Variants in BCKDHB observed in about 807,000 individuals in gnomAD.
The protein encoded by BCKDHB is 2-oxoisovalerate dehydrogenase subunit beta, mitochondrial.
In BCKDHB, 41 loss-of-function variants were observed where a neutral mutation model predicts 48.5. The ratio of observed to expected loss-of-function variants is 0.85; its 90% CI spans 0.66 to 1.10. The LOEUF (loss-of-function observed/expected upper bound fraction) is 1.10, where lower values mean the gene tolerates loss of function less well. Among genes scored for constraint, BCKDHB ranks in the 50% least tolerant of loss-of-function variants. The probability of loss-of-function intolerance (pLI) is 0.00; values close to 1 mark genes in which losing one functional copy is unlikely to be tolerated. For missense variants in BCKDHB, 496 were observed against 494.2 expected (o/e 1.00, Z -0.03); for synonymous variants, 201 against 174.8 (o/e 1.15, Z -1.18).
At position 80,139,471 on chromosome 6, in the gene BCKDHB, G is replaced by A. The variant is rs9448900; in HGVS notation, c.343+10242G>A. On this transcript the variant is annotated intron_variant, in intron 3 of 9. Transcript: ENST00000320393. Reference sequence around the variant, plus strand: ...TTAAGTCTTTAATCCATCTTGAATTGATTTTTGTATAAGGTGTAAGGAAGG... The same window carrying A: ...TTAAGTCTTTAATCCATCTTGAATTAATTTTTGTATAAGGTGTAAGGAAGG... Among the ~76,000 whole-genome samples the A allele has an allele frequency of 1.0e-3, 155 of 151,418 alleles. 2 individuals carry two copies. The highest frequency in any genetic ancestry group is 3.4e-3 in the African/African-American group (141 of 41,300).
At chr6:80,153,363 G>C (rs1771884618) in intron 3 of BCKDHB, among the ~76,000 whole-genome samples, 2 of 152,128 alleles carry the variant, frequency 1.3e-5, no homozygotes, top group Admixed American at 6.6e-5. Context: ...CTTCATCCCA[G>C]ATAGAGAGAT....
intron 9 of BCKDHB, among the ~76,000 whole-genome samples, chr6:80,309,840 A>G (rs1433618153): frequency 2.0e-5 from 3 of 152,178 alleles, no homozygotes; most frequent in Non-Finnish European, 2.9e-5. Flanking sequence ...TAGCTTTTCC[A>G]TCTTCACCCT....
chr6:80,184,098 G>A (rs1207295455), intron 6 of BCKDHB, among the ~76,000 whole-genome samples: 1 of 152,062 alleles, frequency 6.6e-6, no homozygotes, highest in African/African-American at 2.4e-5. Context: ...TTATTCATCT[G>A]GTAGTAATTG....
chr6:80,259,177 A>G (rs1389739793), intron 8 of BCKDHB, among the ~76,000 whole-genome samples: 1 of 152,176 alleles, frequency 6.6e-6, no homozygotes, highest in African/African-American at 2.4e-5. Context: ...GTTGCAGCTT[A>G]TTGAGAATTT....
the BCKDHB span, among the ~76,000 whole-genome samples, chr6:80,447,192 G>C: frequency 1.3e-5 from 2 of 151,974 alleles, no homozygotes; most frequent in South Asian, 4.1e-4. Context: ...TGGCCCTTTT[G>C]TGCCACCATT....
rs530649125 is a variant in BCKDHB, at chr6:80,215,779, G to A, written c.951+12567G>A. 7.9e-5 allele frequency among the ~76,000 whole-genome samples: 12 copies of A among 152,092 alleles called. No homozygotes were observed. The South Asian group carries it at 8.3e-4, about 10-fold the overall frequency. On this transcript the variant is annotated intron_variant, in intron 8 of 9. Coordinates refer to ENST00000320393, the MANE Select transcript of BCKDHB (RefSeq NM_183050.4). ...TGTTTTTTTGAGACGGAGTCTCGCC[G>A]TGCCACCAGTCTGGAGTGCAGTGGC...
chr6:80,239,078 T>C (rs919537558), intron 8 of BCKDHB, among the ~76,000 whole-genome samples: 1 of 152,252 alleles, frequency 6.6e-6, no homozygotes, highest in East Asian at 1.9e-4. Flanking sequence ...CATGTGTCTT[T>C]ATAGTAGAAT....
the BCKDHB span, among the ~76,000 whole-genome samples, chr6:80,449,390 G>A: frequency 6.6e-6 from 1 of 152,182 alleles, no homozygotes; most frequent in African/African-American, 2.4e-5. Context: ...TGAGAAAGGA[G>A]TGTTGGCTCG....
intron 8 of BCKDHB, among the ~76,000 whole-genome samples, chr6:80,261,756 A>C (rs764325185): frequency 1.6e-4 from 25 of 152,130 alleles, no homozygotes; most frequent in Non-Finnish European, 2.8e-4. Flanking sequence ...GAGAGTACAC[A>C]GTGGTTGCTT....
chr6:80,279,381 C>G (rs1455303152), intron 9 of BCKDHB, among the ~76,000 whole-genome samples: 3 of 152,106 alleles, frequency 2.0e-5, no homozygotes, highest in African/African-American at 4.8e-5. Context: ...GTCTCGAACT[C>G]CTGACCTCAA....
intron 9 of BCKDHB, among the ~76,000 whole-genome samples, chr6:80,285,925 A>G (rs1310557280): frequency 6.6e-6 from 1 of 152,044 alleles, no homozygotes; most frequent in Non-Finnish European, 1.5e-5. Context: ...TTCTGTCAGT[A>G]TAAGGGATAA....
the BCKDHB span, among the ~76,000 whole-genome samples, chr6:80,460,870 T>C: frequency 1.3e-5 from 2 of 152,114 alleles, no homozygotes; most frequent in African/African-American, 4.8e-5. Context: ...TGTGAAAGTC[T>C]TCCTTCTCTG....
rs921855330 is a variant in BCKDHB at position 80,234,795 on chromosome 6, A to T, written c.951+31583A>T. On this transcript the variant is annotated intron_variant, in intron 8 of 9. Transcript: ENST00000320393. ...AGATATGGAATCAACCTAAGGGCTC[A>T]TCAGTGGATGAATGAATGAATGAAG... Among the ~76,000 whole-genome samples the T allele has an allele frequency of 1.3e-4, 19 of 151,972 alleles. No homozygotes were observed. In the East Asian group the frequency reaches 3.7e-3, roughly 29 times the overall value.
intron 6 of BCKDHB, among the ~76,000 whole-genome samples, chr6:80,181,250 AAT>A (rs748083896): frequency 1.1e-4 from 17 of 152,182 alleles, no homozygotes; most frequent in Non-Finnish European, 2.4e-4. Flanking sequence ...CTTCTTTTTA[AAT>A]TAAAAATGTA....
intron 9 of BCKDHB, among the ~76,000 whole-genome samples, chr6:80,309,106 C>T (rs2127995638): frequency 6.6e-6 from 1 of 151,480 alleles, no homozygotes; most frequent in African/African-American, 2.4e-5. Context: ...TTTTGCCAAC[C>T]ACGCTGGAGT....
chr6:80,382,389 C>T, the BCKDHB span, among the ~76,000 whole-genome samples: 1 of 152,056 alleles, frequency 6.6e-6, no homozygotes, highest in Non-Finnish European at 1.5e-5. Context: ...TTGTATGGAG[C>T]CAAAGGTTAT....
At chr6:80,360,739 C>T in the BCKDHB span, among the ~76,000 whole-genome samples, 1 of 152,078 alleles carries the variant, frequency 6.6e-6, no homozygotes, top group African/African-American at 2.4e-5. Flanking sequence ...GGTACAGTGG[C>T]TCATGCCTGT....
chr6:80,133,906 G>C (rs1770753933), intron 3 of BCKDHB, among the ~76,000 whole-genome samples: 1 of 152,120 alleles, frequency 6.6e-6, no homozygotes, highest in Middle Eastern at 3.2e-3. Flanking sequence ...GCCTCCCAAA[G>C]TGCTGGGATT....
intron 9 of BCKDHB, among the ~76,000 whole-genome samples, chr6:80,290,534 A>G (rs1040021947): frequency 6.6e-6 from 1 of 152,172 alleles, no homozygotes; most frequent in African/African-American, 2.4e-5. Flanking sequence ...TACCTAATTA[A>G]TGGCCATTAC....
Sources: gnomAD v4.1 joint callset for allele counts (sites outside exome capture counted in the v4.1 genomes callset) on GRCh38, gnomAD v4.1.1 for gene constraint, MANE v1.5 for transcripts, NCBI Gene and HGNC (gene_info 2026-07-23, HGNC 2026-07-21) for gene names.